The following KANK2 variants were observed in gnomAD, a reference collection of about 807,000 sequenced individuals.
The protein encoded by KANK2 is KN motif and ankyrin repeat domains 2.
A neutral mutation model predicts 74.6 loss-of-function variants in KANK2; 41 were observed. The ratio of observed to expected loss-of-function variants is 0.55; its 90% CI spans 0.43 to 0.71. The LOEUF (loss-of-function observed/expected upper bound fraction) is 0.71, where lower values mean the gene tolerates loss of function less well. Among genes scored for constraint, KANK2 ranks in the 30% least tolerant of loss-of-function variants. The probability of loss-of-function intolerance (pLI) is 0.00; values close to 1 mark genes in which losing one functional copy is unlikely to be tolerated. For synonymous variants in KANK2, 537 were observed against 519.0 expected (o/e 1.03, Z -0.47); for missense variants, 1,148 against 1,196.4 (o/e 0.96, Z 0.60).
chr19:11,171,082 C>G (rs527606611), intron 10 of KANK2, among the ~76,000 whole-genome samples: 1 of 152,120 alleles, frequency 6.6e-6, no homozygotes, highest in African/African-American at 2.4e-5. Flanking sequence ...GGTTTACAGG[C>G]GTGAGCCATC....
intron 4 of KANK2, among the ~76,000 whole-genome samples, chr19:11,191,323 G>A (rs2078838411): frequency 6.6e-6 from 1 of 152,262 alleles, no homozygotes; most frequent in Non-Finnish European, 1.5e-5. Context: ...ACAGGCGTGA[G>A]CCACTGCGCC....
Position 11,176,627 on chromosome 19 carries a change from T to A in KANK2, c.1711A>T (p.Ile571Leu), listed in dbSNP as rs879043873. 6.2e-7 allele frequency: 1 copy of A among 1,612,432 alleles called. No individual in the cohort carries two copies. The highest frequency in any genetic ancestry group is 1.1e-5 in the South Asian group (1 of 90,768). ...ECQLSRESQH[I>L]PTAEGASGSN... is the part of the protein sequence containing the mutation. Reference sequence around the variant, plus strand: ...CCTGATGCCCCCTCAGCAGTGGGTATGTGCTGAGATTCTCGAGACAGCTGA... The same window carrying A: ...CCTGATGCCCCCTCAGCAGTGGGTAAGTGCTGAGATTCTCGAGACAGCTGA... Residue 571 changes from isoleucine (I) to leucine (L), a missense_variant, in exon 7 of 13, where the codon ATA becomes TTA. By Grantham distance (5) the Ile-to-Leu change is conservative. Transcript: ENST00000586659.
At chr19:11,171,562 G>A (rs10415896) in intron 10 of KANK2, among the ~76,000 whole-genome samples, 4,941 of 151,176 alleles carry the variant, frequency 0.033, 299 homozygotes, top group African/African-American at 0.11. Context: ...GTGGGGGTGG[G>A]GGGGTGTCTC....
At chr19:11,182,793 A>G (rs2078564476) in intron 4 of KANK2, among the ~76,000 whole-genome samples, 1 of 137,874 alleles carries the variant, frequency 7.3e-6, no homozygotes, top group Admixed American at 7.5e-5. Flanking sequence ...CAGTGAGCCG[A>G]TATTATGCCA....
rs534692232 is a variant in KANK2 at position 11,188,170 on chromosome 19, G to C, written c.1249+4661C>G. 7.2e-5 allele frequency among the ~76,000 whole-genome samples: 11 copies of C among 152,132 alleles called. No homozygotes were observed. In the South Asian group the frequency reaches 2.1e-3, roughly 29 times the overall value. On this transcript the variant is annotated intron_variant, in intron 4 of 12. Coordinates refer to ENST00000586659, the MANE Select transcript of KANK2 (RefSeq NM_001136191.3). ...ATGGTTGTCAGGAGCTGAGGAATGA[G>C]ATGAACTCAGTTTTGGACTCCTGAA...
intron 12 of KANK2, among the ~76,000 whole-genome samples, chr19:11,167,816 G>C (rs1424760763): frequency 6.7e-6 from 1 of 150,238 alleles, no homozygotes; most frequent in Non-Finnish European, 1.5e-5. Context: ...GCGTGAACCA[G>C]TGAGTCTGGC....
chr19:11,188,030 G>A (rs961381035), intron 4 of KANK2, among the ~76,000 whole-genome samples: 2 of 152,138 alleles, frequency 1.3e-5, no homozygotes, highest in Non-Finnish European at 2.9e-5. Context: ...GAGACCGTAT[G>A]ACCTGCAAAA....
In KANK2 at chr19:11,193,649, C is replaced by T; in HGVS notation, c.431G>A (p.Gly144Asp). ...RLEDQAATPT[G>D]LGSLTPSAAG... is the part of the protein sequence containing the mutation. ...CGCACTGGGGGTCAGGGAGCCCAGG[C>T]CGGTGGGTGTGGCCGCCTGGTCCTC... The change falls in exon 4 of 13, where the codon GGC (glycine) becomes GAC (aspartate). Residue 144 changes from glycine to aspartate, a missense_variant. Coordinates refer to ENST00000586659, the MANE Select transcript of KANK2 (RefSeq NM_001136191.3). This position sits in a 1 kb window ranked among gnomAD's most constrained non-coding sequence, Gnocchi z 9.6. The T allele has an allele frequency of 6.3e-7, 1 of 1,599,374 alleles. No homozygotes were observed. The highest frequency in any genetic ancestry group is 1.7e-4 in the Middle Eastern group (1 of 5,988).
At chr19:11,169,804 A>T in intron 12 of KANK2, 73 bp downstream of exon 12, 1 of 1,334,262 alleles carries the variant, frequency 7.5e-7, no homozygotes, top group Non-Finnish European at 1.1e-6. Flanking sequence ...CTGCCTCAAA[A>T]ACAAAAACAA....
At chr19:11,190,391 G>T (rs369375389) in intron 4 of KANK2, among the ~76,000 whole-genome samples, 3 of 152,090 alleles carry the variant, frequency 2.0e-5, no homozygotes, top group African/African-American at 7.2e-5. Context: ...GCCTCCCAAA[G>T]TGCTAGGATT....
intron 4 of KANK2, among the ~76,000 whole-genome samples, chr19:11,184,206 T>C (rs993332435): frequency 6.6e-6 from 1 of 150,596 alleles, no homozygotes; most frequent in African/African-American, 2.4e-5. Flanking sequence ...TGAAACCCAG[T>C]CTCTACTGAT....
chr19:11,185,539 C>G (rs1484275141), intron 4 of KANK2, among the ~76,000 whole-genome samples: 1 of 149,702 alleles, frequency 6.7e-6, no homozygotes, highest in African/African-American at 2.5e-5. Flanking sequence ...TCATTCTTAG[C>G]TGTGGGTTGT....
At chr19:11,175,383 G>A (rs1337374799) in intron 8 of KANK2, among the ~76,000 whole-genome samples, 4 of 119,922 alleles carry the variant, frequency 3.3e-5, no homozygotes, top group East Asian at 2.8e-4. Flanking sequence ...AGCTGAGATC[G>A]CACCACTGCA....
chr19:11,173,253 C>A (rs2078231268), intron 9 of KANK2, 130 bp from the exon 10 acceptor site: 3 of 932,386 alleles, frequency 3.2e-6, no homozygotes, highest in Non-Finnish European at 4.7e-6. Context: ...GAGGACCCCA[C>A]TCTGCCCTAG....
At chr19:11,194,687 C>A in intron 2 of KANK2, 97 bp from the exon 3 acceptor site, 4 of 588,604 alleles carry the variant, frequency 6.8e-6, no homozygotes, top group South Asian at 3.6e-5. Context: ...ACCCAGCCCC[C>A]CAACCCAGGT....
At position 11,166,523 on chromosome 19, in the gene KANK2, G is replaced by A; in HGVS notation, c.*35C>T. On this transcript the variant is annotated 3_prime_UTR_variant, in exon 13 of 13. Transcript: ENST00000586659. ...AGGAGACGGGGACAAGGGACGGTTTGCTCCCGGTCTGGCTGGTCCCCGCCT... is the reference window on the plus strand; with the variant it reads ...AGGAGACGGGGACAAGGGACGGTTTACTCCCGGTCTGGCTGGTCCCCGCCT... The A allele has an allele frequency of 6.3e-7, 1 of 1,599,492 alleles. No homozygotes were observed. The highest frequency in any genetic ancestry group is 8.6e-7 in the Non-Finnish European group (1 of 1,166,734).
intron 2 of KANK2, 176 bp from the exon 3 acceptor site, chr19:11,194,766 G>T (rs1031380348): frequency 3.3e-6 from 1 of 301,486 alleles, no homozygotes; most frequent in Non-Finnish European, 5.9e-6. Context: ...CCTCCCCCCC[G>T]CAGGTCTGGA....
At position 11,181,308 on chromosome 19, in the gene KANK2, G is replaced by A. The variant is rs577900335; in HGVS notation, c.1250-2588C>T. On this transcript the variant is annotated intron_variant, in intron 4 of 12. Coordinates refer to ENST00000586659, the MANE Select transcript of KANK2 (RefSeq NM_001136191.3). ...ATCGTCCAGGCTGGAGGGCAGTGGC[G>A]TGATCTCGGCTCACTGCAACCTCTG... Among the ~76,000 whole-genome samples, 6 of 151,084 alleles carry A rather than the reference G, an allele frequency of 4.0e-5. No homozygotes were observed. In the South Asian group the frequency reaches 8.4e-4, roughly 21 times the overall value.
Position 11,174,644 on chromosome 19 carries a change from G to C in KANK2, c.1897C>G (p.Arg633Gly), listed in dbSNP as rs769159279. 6.2e-7 allele frequency: 1 copy of C among 1,610,002 alleles called. No homozygotes were observed. Among genetic ancestry groups the C allele is most frequent in the East Asian group, 2.2e-5 (1 of 44,786 alleles). The change falls in exon 9 of 13, where the codon CGC (arginine) becomes GGC (glycine). Residue 633 changes from arginine (R) to glycine (G), a missense_variant. Physicochemically the swap from Arg to Gly is moderately radical, Grantham distance 125. Transcript: ENST00000586659. ...ACCAGCTCGGGGTGTGCGTCGCTGCGGCAGGCCAGGCGCAGCCACTCCTGC... is the reference window on the plus strand; with the variant it reads ...ACCAGCTCGGGGTGTGCGTCGCTGCCGCAGGCCAGGCGCAGCCACTCCTGC... Reference protein sequence around the residue: ...VLQEWLRLACRSDAHPELVRR... With the variant: ...VLQEWLRLACGSDAHPELVRR...
Sources: allele counts gnomAD v4.1 joint callset (sites outside exome capture counted in the v4.1 genomes callset), GRCh38; gene constraint gnomAD v4.1.1; non-coding constraint Gnocchi (gnomAD v3.1); transcripts MANE v1.5; gene names NCBI Gene and HGNC (gene_info 2026-07-23, HGNC 2026-07-21).